The following GSG1L variants were observed in gnomAD, a reference collection of about 807,000 sequenced individuals.
GSG1L encodes the protein GSG1 like.
In GSG1L, 24 loss-of-function variants were observed where a neutral mutation model predicts 42.1. The observed-to-expected ratio is 0.57, with a 90% confidence interval of 0.41 to 0.80. The LOEUF is 0.80. GSG1L is among the 30% of genes least tolerant of loss of function. GSG1L has a pLI of 0.00. For synonymous variants in GSG1L, 215 were observed against 203.5 expected, an observed-to-expected ratio of 1.06 and a Z score of -0.48; for missense variants, 445 against 472.2, an observed-to-expected ratio of 0.94 and a Z score of 0.53.
intron 1 of GSG1L, among the ~76,000 whole-genome samples, chr16:27,967,711 G>A (rs1442387628): frequency 2.6e-5 from 4 of 152,166 alleles, no homozygotes; most frequent in South Asian, 2.1e-4. Flanking sequence ...CCAGGAGTTC[G>A]AGACCAGCCT....
chr16:28,043,008 T>C (rs1377980078), intron 1 of GSG1L, among the ~76,000 whole-genome samples: 2 of 152,122 alleles, frequency 1.3e-5, no homozygotes, highest in East Asian at 1.9e-4. Flanking sequence ...TACGGAAAAT[T>C]GAATCAACAA....
intron 6 of GSG1L, among the ~76,000 whole-genome samples, chr16:27,793,298 T>G (rs2082775952): frequency 6.6e-6 from 1 of 152,254 alleles, no homozygotes; most frequent in Non-Finnish European, 1.5e-5. Flanking sequence ...CACTTTTTTC[T>G]TTCTGCTTTT....
At chr16:27,803,766 C>CATATATATATATAT (rs3047681) in intron 6 of GSG1L, among the ~76,000 whole-genome samples, 157 of 117,816 alleles carry the variant, frequency 1.3e-3, no homozygotes, top group East Asian at 5.0e-3. Flanking sequence ...ACAGTGCAGA[C>CATATATATATATAT]ATATATATAT....
chr16:28,048,461 T>C (rs2086188956), intron 1 of GSG1L, among the ~76,000 whole-genome samples: 2 of 152,142 alleles, frequency 1.3e-5, no homozygotes, highest in South Asian at 4.2e-4. Context: ...AGAGTCTCAC[T>C]ATGTTGCCCA....
intron 2 of GSG1L, among the ~76,000 whole-genome samples, chr16:27,885,136 T>TTTTG (rs1275877329): frequency 2.6e-5 from 4 of 152,218 alleles, no homozygotes; most frequent in South Asian, 4.1e-4. Flanking sequence ...TTTTGTTCTT[T>TTTTG]TTTGTTTGTT....
intron 4 of GSG1L, among the ~76,000 whole-genome samples, chr16:27,835,021 C>T (rs2083309012): frequency 6.6e-6 from 1 of 152,032 alleles, no homozygotes; most frequent in Non-Finnish European, 1.5e-5. Flanking sequence ...TCAATTAGAT[C>T]CTATTGGTTG....
At chr16:27,880,688 A>AACCCCTTG (rs1174172327) in intron 3 of GSG1L, among the ~76,000 whole-genome samples, 2 of 152,100 alleles carry the variant, frequency 1.3e-5, no homozygotes, top group African/African-American at 4.8e-5. Context: ...GAGGTAGAGG[A>AACCCCTTG]GAGTCCCCCA....
intron 1 of GSG1L, among the ~76,000 whole-genome samples, chr16:27,983,117 T>C (rs1439845565): frequency 6.6e-6 from 1 of 152,128 alleles, no homozygotes; most frequent in Admixed American, 6.6e-5. Flanking sequence ...GGAGGATCAC[T>C]TGAGTCCAGG....
At chr16:27,794,590 C>T (rs1418630072) in intron 6 of GSG1L, among the ~76,000 whole-genome samples, 3 of 152,192 alleles carry the variant, frequency 2.0e-5, no homozygotes, top group Admixed American at 2.0e-4. Context: ...CTCGGCCTCC[C>T]AAAGTGCTGG....
chr16:27,796,626 G>A (rs1031947092), intron 6 of GSG1L, among the ~76,000 whole-genome samples: 1 of 152,194 alleles, frequency 6.6e-6, no homozygotes, highest in African/African-American at 2.4e-5. Flanking sequence ...GGCTTGAGTG[G>A]GACGGACCCG....
intron 5 of GSG1L, among the ~76,000 whole-genome samples, chr16:27,816,466 G>A (rs1433265919): frequency 4.6e-5 from 7 of 152,184 alleles, no homozygotes; most frequent in Non-Finnish European, 8.8e-5. Context: ...AAGAGCCCCA[G>A]GGAAAGTGAC....
chr16:27,885,890 T>C lies in GSG1L; in HGVS notation c.398-1252A>G, dbSNP rs1040346282. On this transcript the variant is annotated intron_variant, in intron 2 of 6. Transcript: ENST00000447459. ...ACAGCTCCCTTTTCCTACAAATTTG[T>C]CCAAATTGGATTACCATCATTTGCC... Among the ~76,000 whole-genome samples the C allele has an allele frequency of 7.9e-5, 12 of 152,176 alleles. 1 individual carries two copies. The highest frequency in any genetic ancestry group is 1.5e-4 in the Non-Finnish European group (10 of 68,042).
chr16:27,918,053 C>A (rs2084478731), intron 2 of GSG1L, among the ~76,000 whole-genome samples: 1 of 152,282 alleles, frequency 6.6e-6, no homozygotes, highest in African/African-American at 2.4e-5. Flanking sequence ...ACAGCCCCAA[C>A]ACACCTAGAC....
Position 27,884,362 on chromosome 16 carries a change from T to C in GSG1L, c.550+124A>G. On this transcript the variant is annotated intron_variant, in intron 3 of 6. Coordinates refer to ENST00000447459, the MANE Select transcript of GSG1L (RefSeq NM_001109763.2). The surrounding 1 kb of genome is among the most constrained non-coding windows in gnomAD (Gnocchi z 4.4). ...GGTCATTTTTTACAAACGATAAAAC[T>C]GAGGCTCACAGAAGAGAAGCAATTT... 1.2e-6 allele frequency: 1 copy of C among 855,724 alleles called. No individual in the cohort carries two copies. Among genetic ancestry groups the C allele is most frequent in the Non-Finnish European group, 1.8e-6 (1 of 569,466 alleles). The allele number at this position is 855,724 out of a possible 1,614,324, so 53.0% of individuals were successfully genotyped here.
chr16:27,806,082 G>A (rs747206216), intron 6 of GSG1L, among the ~76,000 whole-genome samples: 7 of 151,998 alleles, frequency 4.6e-5, no homozygotes, highest in African/African-American at 7.3e-5. Flanking sequence ...CGTCTCTGAT[G>A]ATTTCTTCAC....
In GSG1L at chr16:27,956,309, T is replaced by C. The variant is rs530899426; in HGVS notation, c.397+6847A>G. 4.3e-3 allele frequency among the ~76,000 whole-genome samples: 654 copies of C among 152,332 alleles called. 3 individuals carry two copies. The highest frequency in any genetic ancestry group is 7.2e-3 in the Non-Finnish European group (493 of 68,034). ...GGTTATAGATAAATATTCAAATATT[T>C]AGGTCACTTTGGGAGAAATAAAGAT... On this transcript the variant is annotated intron_variant, in intron 2 of 6. Transcript: ENST00000447459.
At chr16:27,995,903 C>T (rs564191595) in intron 1 of GSG1L, among the ~76,000 whole-genome samples, 2 of 151,960 alleles carry the variant, frequency 1.3e-5, no homozygotes, top group South Asian at 2.1e-4. Context: ...CACACACACA[C>T]ACACACACAC....
At chr16:27,866,030 C>T (rs1431957708) in intron 3 of GSG1L, among the ~76,000 whole-genome samples, 1 of 152,028 alleles carries the variant, frequency 6.6e-6, no homozygotes, top group Non-Finnish European at 1.5e-5. Flanking sequence ...GTTTCTCTCT[C>T]TCTGTGTCTC....
chr16:27,894,530 G>T (rs1054673469), intron 2 of GSG1L, among the ~76,000 whole-genome samples: 1 of 152,216 alleles, frequency 6.6e-6, no homozygotes, highest in Non-Finnish European at 1.5e-5. Context: ...CGCAGTGGCC[G>T]CTGGCTGTGA....
Sources: allele counts gnomAD v4.1 joint callset (sites outside exome capture counted in the v4.1 genomes callset), GRCh38; gene constraint gnomAD v4.1.1; non-coding constraint Gnocchi (gnomAD v3.1); transcripts MANE v1.5; gene names NCBI Gene and HGNC (gene_info 2026-07-23, HGNC 2026-07-21).